Variants in ACTMAP observed in about 807,000 individuals in gnomAD.
ACTMAP encodes actin maturation protease, also known as UPF0692 protein C19orf54.
At chr19:40,744,121 G>A in the ACTMAP span, 1 of 1,613,176 alleles carries the variant, frequency 6.2e-7, no homozygotes, top group Non-Finnish European at 8.5e-7. Context: ...GTCTCTGTTG[G>A]GACCGCCCAG....
chr19:40,744,680 G>T, the ACTMAP span: 1 of 1,607,418 alleles, frequency 6.2e-7, no homozygotes, highest in Non-Finnish European at 8.5e-7. Context: ...CCACCAGCCC[G>T]CATCTGGGGA....
chr19:40,744,191 C>G, the ACTMAP span: 32 of 1,578,154 alleles, frequency 2.0e-5, no homozygotes, highest in Non-Finnish European at 2.5e-5. Flanking sequence ...CTGCCCATAT[C>G]GGCCACTGCA....
chr19:40,749,446 G>A, the ACTMAP span: 2 of 1,469,478 alleles, frequency 1.4e-6, no homozygotes, highest in African/African-American at 1.4e-5. Flanking sequence ...GTCTAGGGCA[G>A]AGCCTGGGTG....
chr19:40,743,603 A>G, the ACTMAP span, among the ~76,000 whole-genome samples: 77,115 of 151,898 alleles, frequency 0.51, 20,052 homozygotes, highest in South Asian at 0.6. Flanking sequence ...TGTTACCCCC[A>G]ATTTCCAGAT....
the ACTMAP span, chr19:40,742,786 A>T: frequency 6.3e-7 from 1 of 1,594,734 alleles, no homozygotes; most frequent in Non-Finnish European, 8.5e-7. Flanking sequence ...GGAGAGGAGA[A>T]GGTGGTGAGT....
the ACTMAP span, chr19:40,745,266 T>C: frequency 1.4e-6 from 2 of 1,472,682 alleles, no homozygotes; most frequent in Middle Eastern, 1.7e-4. Flanking sequence ...GAGGTCTGGC[T>C]GGGAGTGGTC....
the ACTMAP span, among the ~76,000 whole-genome samples, chr19:40,746,932 G>A: frequency 1.3e-5 from 2 of 152,042 alleles, no homozygotes; most frequent in African/African-American, 4.8e-5. Context: ...TCAGCCTCCC[G>A]AGTAGCTAGA....
At chr19:40,749,513 A>C in the ACTMAP span, 3 of 1,550,716 alleles carry the variant, frequency 1.9e-6, no homozygotes, top group African/African-American at 4.1e-5. Context: ...GCCTCTTCAC[A>C]TCTTCTCTGC....
the ACTMAP span, chr19:40,749,910 T>C: frequency 1.3e-5 from 12 of 915,380 alleles, no homozygotes; most frequent in Admixed American, 4.6e-4. Context: ...AAGAGCTGAG[T>C]TCCAGAATCT....
the ACTMAP span, chr19:40,742,806 T>C: frequency 6.4e-7 from 1 of 1,561,752 alleles, no homozygotes. Context: ...TGGCAGTGAC[T>C]GAGCCAGGAC....
chr19:40,745,330 G>A, the ACTMAP span: 230 of 858,716 alleles, frequency 2.7e-4, 1 homozygote, highest in African/African-American at 3.5e-3. Flanking sequence ...GGCTGAAGGC[G>A]GCTCCTGGTT....
chr19:40,743,415 TAG>T, the ACTMAP span, among the ~76,000 whole-genome samples: 1 of 152,066 alleles, frequency 6.6e-6, no homozygotes, highest in Non-Finnish European at 1.5e-5. Flanking sequence ...GTATTTTTAG[TAG>T]AGACAGGGTA....
At chr19:40,746,621 C>T in the ACTMAP span, among the ~76,000 whole-genome samples, 2 of 152,168 alleles carry the variant, frequency 1.3e-5, no homozygotes, top group East Asian at 1.9e-4. Context: ...GTGATTTGCC[C>T]GCCTCAGCCT....
the ACTMAP span, among the ~76,000 whole-genome samples, chr19:40,745,935 G>T: frequency 6.6e-6 from 1 of 152,238 alleles, no homozygotes; most frequent in African/African-American, 2.4e-5. Context: ...GCCTCCCAAA[G>T]TGCTGGGGAT....
the ACTMAP span, chr19:40,749,606 C>T: frequency 1.3e-6 from 2 of 1,550,404 alleles, no homozygotes; most frequent in Admixed American, 2.0e-5. Context: ...GGGGAGCAGG[C>T]CCTGTGGCAG....
At chr19:40,742,952 G>C in the ACTMAP span, among the ~76,000 whole-genome samples, 4 of 152,200 alleles carry the variant, frequency 2.6e-5, no homozygotes, top group African/African-American at 9.7e-5. Context: ...CGGCTCCAAA[G>C]CTGTAGGTGT....
At chr19:40,744,945 CGCA>C in the ACTMAP span, 1 of 819,010 alleles carries the variant, frequency 1.2e-6, no homozygotes, top group Non-Finnish European at 1.9e-6. Context: ...GTTCATTCCT[CGCA>C]TGTCCCAACT....
chr19:40,744,572 T>C, the ACTMAP span: 1 of 1,613,496 alleles, frequency 6.2e-7, no homozygotes, highest in South Asian at 1.1e-5. Context: ...AGAACATCTC[T>C]CCCTGGGCCG....
At chr19:40,744,856 GGAAGGCGGGGGAGAGGTCA>G in the ACTMAP span, 1 of 1,054,132 alleles carries the variant, frequency 9.5e-7, no homozygotes, top group Non-Finnish European at 1.3e-6. Context: ...GGCTGGGGGT[GGAAGGCGGGGGAGAGGTCA>G]CCTGAGCTTC....
Sources: gnomAD v4.1 joint callset for allele counts (sites outside exome capture counted in the v4.1 genomes callset) on GRCh38, gnomAD v4.1.1 for gene constraint, MANE v1.5 for transcripts, NCBI Gene and HGNC (gene_info 2026-07-23, HGNC 2026-07-21) for gene names.